The following CACNA2D4 variants were observed in gnomAD, a reference collection of about 807,000 sequenced individuals.
CACNA2D4 encodes voltage-dependent calcium channel subunit alpha-2/delta-4.
In CACNA2D4, 157 loss-of-function variants were observed where a neutral mutation model predicts 163.8. The ratio of observed to expected loss-of-function variants is 0.96; its 90% CI spans 0.84 to 1.09. The LOEUF is 1.09. CACNA2D4 is among the 50% of genes least tolerant of loss of function. The probability of loss-of-function intolerance (pLI) is 0.00; values close to 1 mark genes in which losing one functional copy is unlikely to be tolerated. For missense variants in CACNA2D4, 1,410 were observed against 1,479.9 expected (o/e 0.95, Z 0.78); for synonymous variants, 598 against 586.9 (o/e 1.02, Z -0.27).
intron 26 of CACNA2D4, among the ~76,000 whole-genome samples, chr12:1,825,009 G>A (rs1864258242): frequency 6.6e-6 from 1 of 152,216 alleles, no homozygotes; most frequent in East Asian, 1.9e-4. Context: ...CATGAACCTG[G>A]GGGCCTTGTT....
intron 26 of CACNA2D4, chr12:1,827,909 C>G (rs11061991): frequency 0.16 from 65,979 of 408,942 alleles, 5,538 homozygotes; most frequent in East Asian, 0.2. Flanking sequence ...ATCCCAGGGG[C>G]TTGAAGGCTT....
rs930373864 is a variant in CACNA2D4 at position 1,855,815 on chromosome 12, A to C, written c.2152+197T>G. ...TGTTACCACAGTTCCAAGGGTGCTT[A>C]AATACCAGCTCAGCCCTGTGGTAAG... On this transcript the variant is annotated intron_variant, in intron 22 of 37. Transcript: ENST00000382722. 2.0e-5 allele frequency among the ~76,000 whole-genome samples: 3 copies of C among 152,232 alleles called. No homozygotes were observed. The South Asian group carries it at 6.2e-4, about 31-fold the overall frequency.
At chr12:1,809,869 A>G (rs1332163330) in intron 29 of CACNA2D4, among the ~76,000 whole-genome samples, 1 of 151,964 alleles carries the variant, frequency 6.6e-6, no homozygotes, top group African/African-American at 2.4e-5. Flanking sequence ...TGGGCCCCAC[A>G]ATGGTAGAAA....
In CACNA2D4 at chr12:1,824,338, A is replaced by G. The variant is rs116382008; in HGVS notation, c.2552-12615T>C. ...AGACTACCTTCCTACAAGGCTCCCA[A>G]GCTAGACCAATGCCGCTGGTCCATG... On this transcript the variant is annotated intron_variant, in intron 26 of 37. Transcript: ENST00000382722. Among the ~76,000 whole-genome samples, 232 of 152,322 alleles carry G rather than the reference A, an allele frequency of 1.5e-3. 1 individual carries two copies. Among genetic ancestry groups the G allele is most frequent in the African/African-American group, 5.2e-3 (216 of 41,584 alleles).
At chr12:1,855,415 G>T (rs1386164125) in intron 22 of CACNA2D4, among the ~76,000 whole-genome samples, 2 of 152,222 alleles carry the variant, frequency 1.3e-5, no homozygotes, top group African/African-American at 4.8e-5. Context: ...AGCTGAGGAT[G>T]TGGCCTAATG....
At position 1,798,374 on chromosome 12, in the gene CACNA2D4, G is replaced by A. The variant is rs1157332246; in HGVS notation, c.2996-839C>T. ...AGCACAGGTGTGAGCTACCTTCCCA[G>A]GCTCATGCAGAGTCCTACAGGAGAG... On this transcript the variant is annotated intron_variant, in intron 34 of 37. Coordinates refer to ENST00000382722, the MANE Select transcript of CACNA2D4 (RefSeq NM_172364.5). The surrounding 1 kb of genome is among the most constrained non-coding windows in gnomAD (Gnocchi z 4.3). Among the ~76,000 whole-genome samples, 1 of 152,138 alleles carries A rather than the reference G, an allele frequency of 6.6e-6. No homozygotes were observed. Among genetic ancestry groups the A allele is most frequent in the African/African-American group, 2.4e-5 (1 of 41,438 alleles).
At chr12:1,914,686 G>A (rs550763241) in intron 2 of CACNA2D4, among the ~76,000 whole-genome samples, 168 bp downstream of exon 2, 2 of 152,272 alleles carry the variant, frequency 1.3e-5, no homozygotes, top group Non-Finnish European at 2.9e-5. Context: ...CCACTGCCCT[G>A]CTTTGGGAGT....
intron 18 of CACNA2D4, among the ~76,000 whole-genome samples, chr12:1,860,737 C>T (rs530579046): frequency 6.6e-5 from 10 of 152,176 alleles, no homozygotes; most frequent in Non-Finnish European, 1.3e-4. Flanking sequence ...ACCATTCTCC[C>T]TCCACTGTCA....
chr12:1,887,135 G>A, intron 6 of CACNA2D4, 66 bp from the exon 7 acceptor site: 3 of 1,149,674 alleles, frequency 2.6e-6, no homozygotes, highest in Non-Finnish European at 3.8e-6. Context: ...CTGGCTGGGT[G>A]TGGACCCCCA....
At position 1,886,370 on chromosome 12, in the gene CACNA2D4, G is replaced by T. The variant is rs776513970; in HGVS notation, c.846C>A (p.Tyr282Ter). ...CCTTGGGAGAAGTAGCAGCTTGAAT[G>T]TACCTGAAGGAAGAAAGGGACATGC... ...ITFDCRNRGW[Y>*]IQAATSPKDI... The change falls in exon 8 of 38, where the codon TAC becomes TAA. Residue 282 changes from tyrosine to a stop codon, truncating the protein, a stop_gained. Transcript: ENST00000382722. LOFTEE classifies it high-confidence loss of function. 4 of 1,613,310 alleles carry T rather than the reference G, an allele frequency of 2.5e-6. No individual in the cohort carries two copies. In the East Asian group the frequency reaches 8.9e-5, roughly 36 times the overall value.
At chr12:1,888,555 A>C (rs917152671) in intron 6 of CACNA2D4, among the ~76,000 whole-genome samples, 1 of 152,248 alleles carries the variant, frequency 6.6e-6, no homozygotes, top group African/African-American at 2.4e-5. Context: ...AGAACACATA[A>C]TACAAAGAAC....
intron 26 of CACNA2D4, among the ~76,000 whole-genome samples, chr12:1,812,499 T>C (rs1863744885): frequency 6.6e-6 from 1 of 152,226 alleles, no homozygotes; most frequent in African/African-American, 2.4e-5. Flanking sequence ...GCAGGTTATA[T>C]TGAAAAGAAG....
At chr12:1,835,677 C>T (rs1285343805) in intron 26 of CACNA2D4, 1 of 152,804 alleles carries the variant, frequency 6.5e-6, no homozygotes. Flanking sequence ...CCTCTCACAC[C>T]TCTCCTGCTG....
chr12:1,847,923 T>C (rs1303881670), intron 23 of CACNA2D4, among the ~76,000 whole-genome samples: 1 of 152,252 alleles, frequency 6.6e-6, no homozygotes, highest in Non-Finnish European at 1.5e-5. Context: ...AATTCATTAA[T>C]ATGATCAGAT....
At chr12:1,826,411 C>T (rs4564390) in intron 26 of CACNA2D4, among the ~76,000 whole-genome samples, 1,115 of 102,582 alleles carry the variant, frequency 0.011, 27 homozygotes, top group East Asian at 0.039. Flanking sequence ...CCCCCCCCCC[C>T]CCCCCGCCAA....
intron 35 of CACNA2D4, among the ~76,000 whole-genome samples, chr12:1,796,854 G>A (rs1456765058): frequency 6.6e-6 from 1 of 152,202 alleles, no homozygotes; most frequent in Non-Finnish European, 1.5e-5. Flanking sequence ...CTTCCGCGCG[G>A]CCTCCCTGCC....
Position 1,829,631 on chromosome 12 carries a change from A to G in CACNA2D4, c.2551+11108T>C, listed in dbSNP as rs201180422. On this transcript the variant is annotated intron_variant, in intron 26 of 37. Coordinates refer to ENST00000382722, the MANE Select transcript of CACNA2D4 (RefSeq NM_172364.5). The surrounding 1 kb of genome is among the most constrained non-coding windows in gnomAD (Gnocchi z 4.2). ...TTCAAGCTCCACCCTTTGGGACAGC[A>G]GACACCCAGACCCCTACTGGACAAG... Among the ~76,000 whole-genome samples, 15 of 151,788 alleles carry G rather than the reference A, an allele frequency of 9.9e-5. No individual in the cohort carries two copies. In the East Asian group the frequency reaches 2.9e-3, roughly 30 times the overall value.
intron 27 of CACNA2D4, among the ~76,000 whole-genome samples, chr12:1,811,242 C>A (rs886206087): frequency 1.6e-4 from 24 of 152,154 alleles, no homozygotes; most frequent in African/African-American, 5.6e-4. Context: ...TCTGGGGAAG[C>A]AGAGGGGAAA....
intron 32 of CACNA2D4, 116 bp downstream of exon 32, chr12:1,800,270 G>A (rs373275517): frequency 9.3e-6 from 11 of 1,180,300 alleles, no homozygotes; most frequent in East Asian, 5.0e-5. Flanking sequence ...CTCCTTCCCC[G>A]GGGTCTGGTA....
Sources: allele counts gnomAD v4.1 joint callset (sites outside exome capture counted in the v4.1 genomes callset), GRCh38; gene constraint gnomAD v4.1.1; non-coding constraint Gnocchi (gnomAD v3.1); transcripts MANE v1.5; gene names NCBI Gene and HGNC (gene_info 2026-07-23, HGNC 2026-07-21).